TSC22D3: variants seen among roughly 807,000 people sequenced by gnomAD.
The protein encoded by TSC22D3 is TSC22 domain family member 3.
A neutral mutation model predicts 11.1 loss-of-function variants in TSC22D3; 4 were observed. The ratio of observed to expected loss-of-function variants is 0.36; its 90% confidence interval spans 0.18 to 0.83. The LOEUF (loss-of-function observed/expected upper bound fraction) is 0.83, where lower values mean the gene tolerates loss of function less well. Among genes scored for constraint, TSC22D3 ranks in the 40% least tolerant of loss-of-function variants. The pLI, the probability that TSC22D3 is intolerant of heterozygous loss-of-function variation, is 0.48. For synonymous variants in TSC22D3, 77 were observed against 70.3 expected (o/e 1.10, Z -0.48); for missense variants, 118 against 159.4 (o/e 0.74, Z 1.40).
At chrX:107,722,747 T>C (rs1250391377) in intron 1 of TSC22D3, among the ~76,000 whole-genome samples, 2 of 111,473 alleles carry the variant, frequency 1.8e-5, no homozygotes, top group African/African-American at 6.5e-5. Flanking sequence ...AGGAAATAGA[T>C]ATACCTGAAA....
chrX:107,721,896 G>A (rs1393004896), intron 1 of TSC22D3: 1 of 516,362 alleles, frequency 1.9e-6, no homozygotes, highest in Non-Finnish European at 3.5e-6. Context: ...GAATAAGGAG[G>A]CTGAAATGCC....
At chrX:107,720,431 C>G (rs1230018994) in intron 1 of TSC22D3, among the ~76,000 whole-genome samples, 5 of 112,281 alleles carry the variant, frequency 4.5e-5, no homozygotes, top group Non-Finnish European at 9.4e-5. Context: ...GCGGCTCACG[C>G]CTGTAATCTC....
At chrX:107,764,847 T>C (rs1929592051) in intron 1 of TSC22D3, among the ~76,000 whole-genome samples, 1 of 111,536 alleles carries the variant, frequency 9.0e-6, no homozygotes. Context: ...TCAACTCTTC[T>C]TGTTCTGCTG....
chrX:107,771,335 AG>A (rs983291749), intron 1 of TSC22D3, among the ~76,000 whole-genome samples: 6 of 112,415 alleles, frequency 5.3e-5, no homozygotes, highest in Non-Finnish European at 1.1e-4. Context: ...CTGTAATCCC[AG>A]CACCTTGGGA....
rs1019085053 is a variant in TSC22D3 at position 107,758,184 on chromosome X, A to G, written c.320+16916T>C. Among the ~76,000 whole-genome samples, 10 of 110,439 alleles carry G rather than the reference A, an allele frequency of 9.1e-5. No homozygotes were observed. The Admixed American group carries it at 9.7e-4, about 11-fold the overall frequency. ...ACTAGGGCTGTGGGCAGGTGTCTGGACAGGTGGAGGGAGGTTCTTCGTCTA... is the reference window on the plus strand; with the variant it reads ...ACTAGGGCTGTGGGCAGGTGTCTGGGCAGGTGGAGGGAGGTTCTTCGTCTA... On this transcript the variant is annotated intron_variant, in intron 1 of 2. Transcript: ENST00000372383.
At chrX:107,734,762 A>C (rs746725751) in intron 1 of TSC22D3, among the ~76,000 whole-genome samples, 1 of 109,558 alleles carries the variant, frequency 9.1e-6, no homozygotes, top group Non-Finnish European at 1.9e-5. Context: ...TTTTACCAGT[A>C]ATGGTAAGAG....
chrX:107,732,867 G>C (rs766629300), intron 1 of TSC22D3, among the ~76,000 whole-genome samples: 10 of 111,258 alleles, frequency 9.0e-5, no homozygotes, highest in African/African-American at 1.6e-4. Flanking sequence ...GGAAGCCAAG[G>C]GGGGAGGATC....
intron 1 of TSC22D3, among the ~76,000 whole-genome samples, chrX:107,729,463 C>T (rs1927787789): frequency 8.9e-6 from 1 of 112,443 alleles, no homozygotes; most frequent in Non-Finnish European, 1.9e-5. Flanking sequence ...TGGCAGTGGC[C>T]TTCTCTGCCT....
chrX:107,741,016 G>A lies in TSC22D3; in HGVS notation c.321-25066C>T, dbSNP rs544370007. ...CCTTGAGGTGTGGCCAGGCTGGCAG[G>A]GGAGATGTTAGGTTTGCCTAAGCCA... On this transcript the variant is annotated intron_variant, in intron 1 of 2. Coordinates refer to ENST00000372383, the MANE Select transcript of TSC22D3 (RefSeq NM_198057.3). Among the ~76,000 whole-genome samples, 157 of 110,106 alleles carry A rather than the reference G, an allele frequency of 1.4e-3. 1 individual carries two copies. Among genetic ancestry groups the A allele is most frequent in the South Asian group, 3.1e-3 (8 of 2,593 alleles).
rs1926890692 is a variant in TSC22D3, at chrX:107,714,271, T to C, written c.*248A>G. ...GGCCCTGGGAGCCCCCAGGGCGCAG[T>C]AGCATTAGAGGCTCACTGGCTTGGT... On this transcript the variant is annotated 3_prime_UTR_variant, in exon 3 of 3. Coordinates refer to ENST00000372383, the MANE Select transcript of TSC22D3 (RefSeq NM_198057.3). 2.9e-6 allele frequency: 1 copy of C among 350,846 alleles called. No homozygotes were observed. The highest frequency in any genetic ancestry group is 5.0e-6 in the Non-Finnish European group (1 of 201,170). 28.9% of individuals were successfully genotyped at this position (350,846 alleles called of 1,213,427 possible).
chrX:107,751,369 G>C (rs1928925447), intron 1 of TSC22D3, among the ~76,000 whole-genome samples: 1 of 111,737 alleles, frequency 8.9e-6, no homozygotes, highest in Admixed American at 9.5e-5. Flanking sequence ...AAGGAGGTGG[G>C]GAGAGAGGCT....
At chrX:107,731,185 T>C (rs1156669921) in intron 1 of TSC22D3, among the ~76,000 whole-genome samples, 1 of 112,227 alleles carries the variant, frequency 8.9e-6, no homozygotes, top group Non-Finnish European at 1.9e-5. Context: ...GAAAGATTGC[T>C]TATCAGTGAT....
chrX:107,728,478 T>C (rs1484842179), intron 1 of TSC22D3, among the ~76,000 whole-genome samples: 2 of 112,732 alleles, frequency 1.8e-5, no homozygotes, highest in East Asian at 2.8e-4. Context: ...TCAGTTTCCA[T>C]CTTTAGCTAA....
intron 1 of TSC22D3, among the ~76,000 whole-genome samples, chrX:107,760,578 C>T (rs1929392969): frequency 8.9e-6 from 1 of 112,270 alleles, no homozygotes; most frequent in African/African-American, 3.2e-5. Context: ...TTCTGAGCCT[C>T]TGTGTCTCCA....
intron 1 of TSC22D3, among the ~76,000 whole-genome samples, chrX:107,732,858 G>A (rs957481832): frequency 5.4e-5 from 6 of 111,397 alleles, no homozygotes; most frequent in Non-Finnish European, 7.5e-5. Context: ...AGAACTTTGG[G>A]AAGCCAAGGG....
At chrX:107,753,917 CTTT>C (rs34538477) in intron 1 of TSC22D3, among the ~76,000 whole-genome samples, 2 of 97,971 alleles carry the variant, frequency 2.0e-5, no homozygotes, top group Non-Finnish European at 2.1e-5. Flanking sequence ...TTCTTTCTTC[CTTT>C]TTTTTTTTTT....
At chrX:107,739,971 T>G (rs1317431672) in intron 1 of TSC22D3, among the ~76,000 whole-genome samples, 1 of 112,627 alleles carries the variant, frequency 8.9e-6, no homozygotes, top group Non-Finnish European at 1.9e-5. Flanking sequence ...CAGCTAACAG[T>G]CATTGAGCAC....
At chrX:107,759,257 T>C (rs1381718918) in intron 1 of TSC22D3, among the ~76,000 whole-genome samples, 1 of 111,190 alleles carries the variant, frequency 9.0e-6, no homozygotes, top group African/African-American at 3.3e-5. Flanking sequence ...TACCTTCTCA[T>C]TCTCTTTTTT....
intron 1 of TSC22D3, among the ~76,000 whole-genome samples, chrX:107,733,042 T>A (rs996410590): frequency 9.5e-6 from 1 of 105,421 alleles, no homozygotes; most frequent in Non-Finnish European, 1.9e-5. Flanking sequence ...GAGGCTGCAG[T>A]GAGCTGTGAT....
Sources: allele counts gnomAD v4.1 joint callset (sites outside exome capture counted in the v4.1 genomes callset), GRCh38; gene constraint gnomAD v4.1.1; transcripts MANE v1.5; gene names NCBI Gene and HGNC (gene_info 2026-07-23, HGNC 2026-07-21).